KITLG: variants seen among roughly 807,000 people sequenced by gnomAD.
KITLG encodes c-Kit ligand.
KITLG carries 13 observed loss-of-function variants against 34.1 expected under a neutral mutation model. The ratio of observed to expected loss-of-function variants is 0.38; its 90% confidence interval spans 0.25 to 0.61. KITLG has a LOEUF of 0.61. Ranked by LOEUF, KITLG falls within the 20% of genes least tolerant of loss-of-function variation. The pLI, the probability that KITLG is intolerant of heterozygous loss-of-function variation, is 0.60. For synonymous variants in KITLG, 110 were observed against 104.0 expected, an observed-to-expected ratio of 1.06 and a Z score of -0.35; for missense variants, 292 against 318.9, an observed-to-expected ratio of 0.92 and a Z score of 0.64.
chr12:88,576,136 C>T (rs997388563), intron 1 of KITLG, among the ~76,000 whole-genome samples: 5 of 152,044 alleles, frequency 3.3e-5, no homozygotes, highest in African/African-American at 1.2e-4. Flanking sequence ...ACTGAGTCAG[C>T]GATAAAGATA....
At chr12:88,499,692 G>GT (rs994467811) in intron 9 of KITLG, among the ~76,000 whole-genome samples, 2 of 152,086 alleles carry the variant, frequency 1.3e-5, no homozygotes, top group African/African-American at 4.8e-5. Context: ...CCGCACTCTG[G>GT]TAAGTCCCAT....
intron 1 of KITLG, among the ~76,000 whole-genome samples, chr12:88,571,929 C>T (rs1345968984): frequency 2.0e-5 from 3 of 152,124 alleles, no homozygotes; most frequent in African/African-American, 7.2e-5. Flanking sequence ...GTTTTCCTAT[C>T]TGTGAAATGG....
chr12:88,535,232 A>G (rs1477189175), intron 2 of KITLG, among the ~76,000 whole-genome samples: 1 of 152,042 alleles, frequency 6.6e-6, no homozygotes, highest in East Asian at 1.9e-4. Context: ...TCCCTGATAA[A>G]AACACTGAAA....
At chr12:88,511,539 A>G (rs1176569290) in intron 6 of KITLG, among the ~76,000 whole-genome samples, 1 of 152,150 alleles carries the variant, frequency 6.6e-6, no homozygotes, top group African/African-American at 2.4e-5. Context: ...GGTTATTTGG[A>G]AGAAGGGAGC....
At position 88,534,342 on chromosome 12, in the gene KITLG, C is replaced by T. The variant is rs143724620; in HGVS notation, c.130-1839G>A. Among the ~76,000 whole-genome samples the T allele has an allele frequency of 4.2e-4, 64 of 152,174 alleles. No homozygotes were observed. In the East Asian group the frequency reaches 0.011, roughly 26 times the overall value. On this transcript the variant is annotated intron_variant, in intron 2 of 9. Transcript: ENST00000644744. ...ATCTTCACCATCAACCTTCTTCATA[C>T]CACCCTAAATAAAATATTAGAATCA...
intron 2 of KITLG, among the ~76,000 whole-genome samples, chr12:88,541,841 C>A (rs1870530629): frequency 6.6e-6 from 1 of 152,124 alleles, no homozygotes; most frequent in Non-Finnish European, 1.5e-5. Flanking sequence ...ACATTAAAGT[C>A]ATAAATCATG....
intron 8 of KITLG, 85 bp from the exon 9 acceptor site, chr12:88,505,320 C>A (rs974334028): frequency 9.3e-7 from 1 of 1,078,380 alleles, no homozygotes; most frequent in East Asian, 2.4e-5. Flanking sequence ...TAAAAGGCAG[C>A]TTTTCTGTAA....
rs775752796 is a variant in KITLG at position 88,545,761 on chromosome 12, G to A, written c.120C>T (p.Val40=). 7 of 1,580,674 alleles carry A rather than the reference G, an allele frequency of 4.4e-6. No individual in the cohort carries two copies. In the African/African-American group the frequency reaches 8.1e-5, roughly 18 times the overall value. ...RNRVTNNVKD[V]TKLVANLPKD... is the part of the protein sequence containing the mutation. ...AGCATTCCTTACTTACCAATTTAGT[G>A]ACGTCTTTTACATTATTAGTCACAC... Residue 40 remains valine (V), a synonymous_variant, in exon 2 of 10, where the codon GTC becomes GTT. Coordinates refer to ENST00000644744, the MANE Select transcript of KITLG (RefSeq NM_000899.5).
At chr12:88,579,049 T>C (rs1416292667) in intron 1 of KITLG, among the ~76,000 whole-genome samples, 5 of 152,150 alleles carry the variant, frequency 3.3e-5, no homozygotes, top group Non-Finnish European at 7.3e-5. Context: ...GCAAGCCTCT[T>C]TTAGCCAGGC....
At position 88,518,741 on chromosome 12, in the gene KITLG, T is replaced by C. The variant is rs368556410; in HGVS notation, c.319A>G (p.Ile107Val). Residue 107 changes from isoleucine (I) to valine (V), a missense_variant, in exon 4 of 10, where the codon ATA becomes GTA. This residue lies in a region of KITLG where 152 missense variants were observed against 207.9 expected (regional missense o/e 0.73). Coordinates refer to ENST00000644744, the MANE Select transcript of KITLG (RefSeq NM_000899.5). ...ACGCACTCCACAAGGTCATCCACTA[T>C]ATTCACAAGTTTGTCTATGATGGAA... Reference protein sequence around the residue: ...NYSIIDKLVNIVDDLVECVKE... With the variant: ...NYSIIDKLVNVVDDLVECVKE... 7.4e-6 allele frequency: 12 copies of C among 1,613,498 alleles called. No individual in the cohort carries two copies. In the African/African-American group the frequency reaches 1.2e-4, roughly 16 times the overall value.
chr12:88,564,935 G>C (rs977625471), intron 1 of KITLG, among the ~76,000 whole-genome samples: 1 of 152,100 alleles, frequency 6.6e-6, no homozygotes, highest in Non-Finnish European at 1.5e-5. Context: ...CTAAGATGAT[G>C]GCTTCTAACC....
At chr12:88,524,451 A>G (rs184959641) in intron 3 of KITLG, among the ~76,000 whole-genome samples, 1 of 152,334 alleles carries the variant, frequency 6.6e-6, no homozygotes, top group Non-Finnish European at 1.5e-5. Context: ...TGTAAAACAC[A>G]CTGTGGATTT....
At chr12:88,497,609 G>A (rs1320522372) in intron 9 of KITLG, among the ~76,000 whole-genome samples, 1 of 152,152 alleles carries the variant, frequency 6.6e-6, no homozygotes, top group Middle Eastern at 3.2e-3. Context: ...TATCAACTTA[G>A]TTAGCTTTGA....
At chr12:88,567,655 C>A (rs1871488763) in intron 1 of KITLG, among the ~76,000 whole-genome samples, 1 of 151,806 alleles carries the variant, frequency 6.6e-6, no homozygotes, top group South Asian at 2.1e-4. Flanking sequence ...TCAACACATG[C>A]AAAAAAAATA....
At chr12:88,505,265 T>C (rs1201419570) in intron 8 of KITLG, 30 bp from the exon 9 acceptor site, 1 of 1,571,022 alleles carries the variant, frequency 6.4e-7, no homozygotes, top group Admixed American at 1.7e-5. Context: ...AATGCTTATT[T>C]GCTCTTGGTC....
chr12:88,554,376 G>A (rs188994538), intron 1 of KITLG, among the ~76,000 whole-genome samples: 32 of 152,324 alleles, frequency 2.1e-4, no homozygotes, highest in African/African-American at 6.5e-4. Flanking sequence ...CAAAAAGAGA[G>A]TTAAGTGTTT....
At chr12:88,535,460 G>C (rs1870275577) in intron 2 of KITLG, among the ~76,000 whole-genome samples, 1 of 152,142 alleles carries the variant, frequency 6.6e-6, no homozygotes, top group Non-Finnish European at 1.5e-5. Flanking sequence ...TGGAAACTCA[G>C]AGAGGTTAAC....
chr12:88,496,985 G>T lies in KITLG; in HGVS notation c.*234C>A, dbSNP rs1448906265. The T allele has an allele frequency of 7.1e-6, 2 of 279,890 alleles. No homozygotes were observed. The highest frequency in any genetic ancestry group is 1.4e-5 in the Non-Finnish European group (2 of 139,280). 17.3% of individuals were successfully genotyped at this position (279,890 alleles called of 1,614,324 possible). A position where few individuals can be genotyped will look rare whatever the true frequency, so the allele number is the denominator to read the frequency against. On this transcript the variant is annotated 3_prime_UTR_variant, in exon 10 of 10. Coordinates refer to ENST00000644744, the MANE Select transcript of KITLG (RefSeq NM_000899.5). ...CCCGCAGTCCTTAAAATAGAGTCCT[G>T]CTCCATGCAAGTTCTTCTTTATAGA...
chr12:88,568,182 C>T (rs542195855), intron 1 of KITLG, among the ~76,000 whole-genome samples: 46 of 152,240 alleles, frequency 3.0e-4, no homozygotes, highest in Non-Finnish European at 5.1e-4. Context: ...CAGTCTAATA[C>T]ATACTGATGT....
Sources: gnomAD v4.1 joint callset for allele counts (sites outside exome capture counted in the v4.1 genomes callset) on GRCh38, gnomAD v4.1.1 for gene constraint, gnomAD v4.1.1 regional missense constraint, MANE v1.5 for transcripts, NCBI Gene and HGNC (gene_info 2026-07-23, HGNC 2026-07-21) for gene names.